SMPD3: variants seen among roughly 807,000 people sequenced by gnomAD.
The protein encoded by SMPD3 is nSMase-2.
Under a neutral mutation model 55.7 loss-of-function variants are expected in SMPD3, and 21 were observed. That is an observed-to-expected ratio of 0.38 (90% CI 0.27 to 0.54). The LOEUF (loss-of-function observed/expected upper bound fraction) is 0.54. Among genes scored for constraint, SMPD3 ranks in the 20% least tolerant of loss-of-function variants. The pLI, the probability that SMPD3 is intolerant of heterozygous loss-of-function variation, is 0.80. For synonymous variants in SMPD3, 457 were observed against 404.3 expected, an observed-to-expected ratio of 1.13 and a Z score of -1.56; for missense variants, 842 against 899.6, an observed-to-expected ratio of 0.94 and a Z score of 0.82.
chr16:68,395,004 GC>G (rs1458277022), intron 1 of SMPD3, among the ~76,000 whole-genome samples: 3 of 151,944 alleles, frequency 2.0e-5, no homozygotes, highest in Admixed American at 1.3e-4. Flanking sequence ...TGCAGAAGAG[GC>G]CCCTGTGGCA....
intron 3 of SMPD3, chr16:68,367,474 G>A (rs3785129): frequency 0.56 from 85,124 of 152,194 alleles, 24,214 homozygotes; most frequent in East Asian, 0.79. Context: ...CTTTCTGAGG[G>A]GCTGGTGTCT....
intron 1 of SMPD3, among the ~76,000 whole-genome samples, chr16:68,430,058 A>AGAGTGGGGTTG (rs2090467615): frequency 6.6e-6 from 1 of 152,142 alleles, no homozygotes; most frequent in African/African-American, 2.4e-5. Context: ...CCAAATCTGC[A>AGAGTGGGGTTG]GAGTGGGGTT....
chr16:68,440,296 A>C (rs1420278178), intron 1 of SMPD3, among the ~76,000 whole-genome samples: 1 of 152,194 alleles, frequency 6.6e-6, no homozygotes, highest in Non-Finnish European at 1.5e-5. Context: ...TCCCATGCTC[A>C]GGTGATCCTC....
At chr16:68,364,417 G>T (rs772582690) in intron 5 of SMPD3, 6 of 283,166 alleles carry the variant, frequency 2.1e-5, no homozygotes, top group Non-Finnish European at 4.0e-5. Context: ...GTGAAACAGC[G>T]ATAGAATGGC....
Position 68,360,287 on chromosome 16 carries a change from G to T in SMPD3, c.*919C>A, listed in dbSNP as rs1438108117. The T allele has an allele frequency of 2.0e-5, 3 of 152,394 alleles. No individual in the cohort carries two copies. Among genetic ancestry groups the T allele is most frequent in the African/African-American group, 7.2e-5 (3 of 41,462 alleles). 9.4% of individuals were successfully genotyped at this position (152,394 alleles called of 1,614,324 possible). A position where few individuals can be genotyped will look rare whatever the true frequency, so the allele number is the denominator to read the frequency against. ...TTTGATAGAAGAGAAGCTACAAATA[G>T]ATTATTTTCAAAATCAGGATCCCCC... On this transcript the variant is annotated 3_prime_UTR_variant, in exon 9 of 9. Transcript: ENST00000219334.
chr16:68,432,458 T>TA (rs2090488163), intron 1 of SMPD3, among the ~76,000 whole-genome samples: 1 of 152,262 alleles, frequency 6.6e-6, no homozygotes, highest in Non-Finnish European at 1.5e-5. Context: ...TATATGTTTA[T>TA]AAAAAGTACT....
At chr16:68,387,783 T>A (rs139242387) in intron 1 of SMPD3, among the ~76,000 whole-genome samples, 1 of 152,306 alleles carries the variant, frequency 6.6e-6, no homozygotes, top group East Asian at 1.9e-4. Flanking sequence ...TCACACCGCA[T>A]CCCTTAGGTA....
rs2088945062 is a variant in SMPD3, at chr16:68,358,335, C to T, written c.*2871G>A. The stretch of plus-strand genomic sequence containing the variant: ...AGTGGAGAACACCAGCCTTGAGCCT[C>T]ACAGTTTTATTTTCTCCTCGTTATC... On this transcript the variant is annotated 3_prime_UTR_variant, in exon 9 of 9. Transcript: ENST00000219334. 1 of 152,750 alleles carries T rather than the reference C, an allele frequency of 6.5e-6. No homozygotes were observed. Among genetic ancestry groups the T allele is most frequent in the Non-Finnish European group, 1.5e-5 (1 of 68,048 alleles). The allele number at this position is 152,750 out of a possible 1,614,324, so 9.5% of individuals were successfully genotyped here. A position where few individuals can be genotyped will look rare whatever the true frequency, so the allele number is the denominator to read the frequency against.
intron 1 of SMPD3, among the ~76,000 whole-genome samples, chr16:68,389,414 T>G (rs944388601): frequency 6.6e-6 from 1 of 152,234 alleles, no homozygotes; most frequent in African/African-American, 2.4e-5. Flanking sequence ...TTGGTCAGTT[T>G]CCTGGATACC....
At chr16:68,410,683 C>T (rs2090292247) in intron 1 of SMPD3, among the ~76,000 whole-genome samples, 1 of 152,236 alleles carries the variant, frequency 6.6e-6, no homozygotes, top group African/African-American at 2.4e-5. Context: ...TCTCCACCAT[C>T]ACGGATGGAA....
chr16:68,360,023 T>G lies in SMPD3; in HGVS notation c.*1183A>C, dbSNP rs1036009046. The G allele has an allele frequency of 2.6e-5, 4 of 153,044 alleles. No individual in the cohort carries two copies. Among genetic ancestry groups the G allele is most frequent in the African/African-American group, 9.6e-5 (4 of 41,494 alleles). 9.5% of individuals were successfully genotyped at this position (153,044 alleles called of 1,614,324 possible). A position where few individuals can be genotyped will look rare whatever the true frequency, so the allele number is the denominator to read the frequency against. ...CGCACTGGTGAGGGCCAGGCTGCTCTCTGCACCTTGGCTTCCTGCCTCCTA... is the reference window on the plus strand; with the variant it reads ...CGCACTGGTGAGGGCCAGGCTGCTCGCTGCACCTTGGCTTCCTGCCTCCTA... On this transcript the variant is annotated 3_prime_UTR_variant, in exon 9 of 9. Transcript: ENST00000219334.
At chr16:68,446,883 G>A (rs2152037514) in intron 1 of SMPD3, among the ~76,000 whole-genome samples, 1 of 152,348 alleles carries the variant, frequency 6.6e-6, no homozygotes, top group South Asian at 2.1e-4. Context: ...ACAGAATCCT[G>A]GGTGCCTGGC....
intron 1 of SMPD3, among the ~76,000 whole-genome samples, chr16:68,446,484 T>TAC (rs3978672): frequency 0.059 from 8,500 of 143,760 alleles, 244 homozygotes; most frequent in Middle Eastern, 0.072. Context: ...GTGGTTCATC[T>TAC]ACACACACAC....
intron 1 of SMPD3, among the ~76,000 whole-genome samples, chr16:68,429,366 TCA>T (rs2090462426): frequency 6.6e-6 from 1 of 152,218 alleles, no homozygotes; most frequent in Non-Finnish European, 1.5e-5. Context: ...TCTGAAAATC[TCA>T]GTTAGCCTCT....
intron 1 of SMPD3, among the ~76,000 whole-genome samples, chr16:68,445,760 A>G (rs2090604645): frequency 6.6e-6 from 1 of 152,218 alleles, no homozygotes; most frequent in Non-Finnish European, 1.5e-5. Context: ...TCTCCTGGCC[A>G]TCATCTGGTC....
chr16:68,420,331 T>C (rs561614916), intron 1 of SMPD3, among the ~76,000 whole-genome samples: 1 of 152,328 alleles, frequency 6.6e-6, no homozygotes, highest in East Asian at 1.9e-4. Context: ...AAAGGTACAA[T>C]TGTTATTGTC....
At chr16:68,401,220 G>C (rs139143081) in intron 1 of SMPD3, among the ~76,000 whole-genome samples, 2 of 152,184 alleles carry the variant, frequency 1.3e-5, no homozygotes, top group Non-Finnish European at 2.9e-5. Context: ...TTCTGCCCCA[G>C]TCCACCTGAG....
rs1835975014 is a variant in SMPD3 at position 68,360,337 on chromosome 16, CCTT to C, written c.*866_*868del. ...CCCACCCCCGTTTATGCTGTGAGTC[CCTT>C]CTTCCTGTAAAAAAAAAAGTGGATA... On this transcript the variant is annotated 3_prime_UTR_variant, in exon 9 of 9. Transcript: ENST00000219334. 1 of 114,448 alleles carries C rather than the reference CCTT, an allele frequency of 8.7e-6. No homozygotes were observed. Among genetic ancestry groups the C allele is most frequent in the South Asian group, 2.7e-4 (1 of 3,688 alleles). The allele number at this position is 114,448 out of a possible 1,614,324, so 7.1% of individuals were successfully genotyped here. A position where few individuals can be genotyped will look rare whatever the true frequency, so the allele number is the denominator to read the frequency against.
At chr16:68,424,730 A>T (rs554061542) in intron 1 of SMPD3, among the ~76,000 whole-genome samples, 68 of 152,054 alleles carry the variant, frequency 4.5e-4, no homozygotes, top group Non-Finnish European at 8.4e-4. Flanking sequence ...CTTTTTTTTG[A>T]GATGGGGTCT....
Sources: allele counts gnomAD v4.1 joint callset (sites outside exome capture counted in the v4.1 genomes callset), GRCh38; gene constraint gnomAD v4.1.1; transcripts MANE v1.5; gene names NCBI Gene and HGNC (gene_info 2026-07-23, HGNC 2026-07-21).